Variants in CRADD observed in about 807,000 individuals in gnomAD.
CRADD encodes the protein death domain-containing protein CRADD.
Under a neutral mutation model 15.5 loss-of-function variants are expected in CRADD, and 9 were observed. That is an observed-to-expected ratio of 0.58 (90% confidence interval 0.35 to 1.01). The LOEUF is 1.01. Ranked by LOEUF, CRADD falls within the 50% of genes least tolerant of loss-of-function variation. The pLI is 0.02. For missense variants in CRADD, 227 were observed against 250.3 expected (o/e 0.91, Z 0.63); for synonymous variants, 118 against 107.6 (o/e 1.10, Z -0.60).
At chr12:93,808,227 C>A (rs1957568761) in intron 2 of CRADD, among the ~76,000 whole-genome samples, 1 of 152,046 alleles carries the variant, frequency 6.6e-6, no homozygotes, top group African/African-American at 2.4e-5. Context: ...ATACCTGAGA[C>A]TGGCTAATTT....
intron 2 of CRADD, among the ~76,000 whole-genome samples, chr12:93,752,238 A>G (rs1335218305): frequency 6.6e-6 from 1 of 152,240 alleles, no homozygotes; most frequent in Non-Finnish European, 1.5e-5. Flanking sequence ...GTTAGCATAA[A>G]GGACTGGAGA....
intron 2 of CRADD, among the ~76,000 whole-genome samples, chr12:93,703,359 CTT>C (rs34708379): frequency 4.2e-4 from 57 of 136,406 alleles, no homozygotes; most frequent in Admixed American, 6.6e-4. Flanking sequence ...TTTTCTTTTT[CTT>C]TTTTTTTTTT....
intron 2 of CRADD, among the ~76,000 whole-genome samples, chr12:93,768,744 T>G (rs1957052123): frequency 6.6e-6 from 1 of 152,198 alleles, no homozygotes; most frequent in Admixed American, 6.5e-5. Flanking sequence ...ACAACTCAGT[T>G]TATGATCACA....
At chr12:93,697,393 C>T (rs1028724486) in intron 2 of CRADD, among the ~76,000 whole-genome samples, 1 of 152,214 alleles carries the variant, frequency 6.6e-6, no homozygotes, top group African/African-American at 2.4e-5. Context: ...ACTGCCCTCA[C>T]CAGACACCAA....
At chr12:93,703,554 G>T (rs191579023) in intron 2 of CRADD, among the ~76,000 whole-genome samples, 1 of 151,634 alleles carries the variant, frequency 6.6e-6, no homozygotes, top group South Asian at 2.1e-4. Context: ...TAGAGACGAG[G>T]TTTTACCATG....
chr12:93,702,944 T>C (rs558143808), intron 2 of CRADD, among the ~76,000 whole-genome samples: 2 of 152,336 alleles, frequency 1.3e-5, no homozygotes, highest in South Asian at 4.1e-4. Flanking sequence ...ATTTCACAAA[T>C]GGCTTAAATC....
intron 2 of CRADD, among the ~76,000 whole-genome samples, chr12:93,684,747 G>C (rs1333042747): frequency 6.6e-6 from 1 of 152,146 alleles, no homozygotes; most frequent in African/African-American, 2.4e-5. Context: ...TCTGATGAGG[G>C]GACACTGAGC....
chr12:93,701,791 G>T (rs1280790172), intron 2 of CRADD, among the ~76,000 whole-genome samples: 1 of 152,120 alleles, frequency 6.6e-6, no homozygotes, highest in Non-Finnish European at 1.5e-5. Context: ...CTGATACAAT[G>T]ATGTTGTAAT....
intron 2 of CRADD, among the ~76,000 whole-genome samples, chr12:93,770,450 C>G (rs969683616): frequency 6.6e-6 from 1 of 152,130 alleles, no homozygotes; most frequent in Admixed American, 6.5e-5. Flanking sequence ...ACATTTAGAT[C>G]TACAATCCAC....
exon 3 of CRADD, chr12:93,894,451 G>A (rs1958598505): frequency 3.9e-6 from 1 of 253,466 alleles, no homozygotes; most frequent in Non-Finnish European, 7.8e-6. Context: ...GCAACCTCTG[G>A]GAGTTGCCAA....
At chr12:93,791,832 TATAAC>T (rs1462036641) in intron 2 of CRADD, among the ~76,000 whole-genome samples, 2 of 150,812 alleles carry the variant, frequency 1.3e-5, no homozygotes, top group East Asian at 1.9e-4. Flanking sequence ...GAAATAATAA[TATAAC>T]ATAAATACTA....
intron 2 of CRADD, among the ~76,000 whole-genome samples, chr12:93,750,994 A>C (rs1181703955): frequency 6.6e-6 from 1 of 152,224 alleles, no homozygotes; most frequent in Non-Finnish European, 1.5e-5. Flanking sequence ...GGCCAGCCTC[A>C]GGGAATGCTC....
chr12:93,753,949 G>A (rs1438129318), intron 2 of CRADD, among the ~76,000 whole-genome samples: 2 of 152,198 alleles, frequency 1.3e-5, no homozygotes, highest in African/African-American at 4.8e-5. Flanking sequence ...TCTGTGAGGG[G>A]CTCCAACCCC....
downstream of CRADD, among the ~76,000 whole-genome samples, chr12:93,855,386 C>T (rs1008379882): frequency 3.3e-5 from 5 of 152,144 alleles, no homozygotes; most frequent in Non-Finnish European, 7.3e-5. Context: ...GAGGCTACTG[C>T]ACACCAGTCA....
chr12:93,686,617 A>G (rs532776763), intron 2 of CRADD, among the ~76,000 whole-genome samples: 18 of 152,368 alleles, frequency 1.2e-4, no homozygotes, highest in African/African-American at 3.6e-4. Flanking sequence ...CTAGTGAAAC[A>G]AAGTCAGCAA....
intron 2 of CRADD, among the ~76,000 whole-genome samples, chr12:93,777,030 A>G (rs1350962228): frequency 2.0e-5 from 3 of 152,264 alleles, no homozygotes; most frequent in Non-Finnish European, 4.4e-5. Flanking sequence ...ATTTTACAAT[A>G]TGTGAATTTT....
At chr12:93,867,405 T>TATATATATATA (rs1207739624) in intron 2 of CRADD, among the ~76,000 whole-genome samples, 6,222 of 101,906 alleles carry the variant, frequency 0.061, 880 homozygotes, top group East Asian at 0.087. Context: ...ATATATATAT[T>TATATATATATA]TTTTAAACTT....
At chr12:93,758,131 C>A (rs1956911772) in intron 2 of CRADD, among the ~76,000 whole-genome samples, 1 of 152,240 alleles carries the variant, frequency 6.6e-6, no homozygotes, top group South Asian at 2.1e-4. Context: ...ATCCTCATTG[C>A]TGCTGTTATC....
chr12:93,798,056 T>C (rs1957439287), intron 2 of CRADD, among the ~76,000 whole-genome samples: 2 of 152,256 alleles, frequency 1.3e-5, no homozygotes, highest in South Asian at 4.1e-4. Context: ...TAAGCCTCAG[T>C]TGAAGCTTCA....
Sources: gnomAD v4.1 joint callset for allele counts (sites outside exome capture counted in the v4.1 genomes callset) on GRCh38, gnomAD v4.1.1 for gene constraint, MANE v1.5 for transcripts, NCBI Gene and HGNC (gene_info 2026-07-23, HGNC 2026-07-21) for gene names.